Variants in BAZ2B observed in about 807,000 individuals in gnomAD.
BAZ2B encodes bromodomain adjacent to zinc finger domain 2B, also known as bromodomain adjacent to zinc finger domain protein 2B.
In BAZ2B, 91 loss-of-function variants were observed where a neutral mutation model predicts 246.0. The observed-to-expected ratio is 0.37, with a 90% confidence interval of 0.31 to 0.44. BAZ2B has a LOEUF of 0.44. Among genes scored for constraint, BAZ2B ranks in the 20% least tolerant of loss-of-function variants. BAZ2B has a pLI of 1.00. For missense variants in BAZ2B, 2,332 were observed against 2,533.7 expected (o/e 0.92, Z 1.71); for synonymous variants, 855 against 860.0 (o/e 0.99, Z 0.10).
At chr2:159,473,934 TA>T (rs1371017822) in intron 3 of BAZ2B, among the ~76,000 whole-genome samples, 1 of 152,226 alleles carries the variant, frequency 6.6e-6, no homozygotes, top group Non-Finnish European at 1.5e-5. Flanking sequence ...GACTGTTTGT[TA>T]TGATTTCTGT....
chr2:159,686,732 TTC>T, the BAZ2B span, among the ~76,000 whole-genome samples: 2 of 152,036 alleles, frequency 1.3e-5, no homozygotes, highest in African/African-American at 4.8e-5. Flanking sequence ...TAATGTTGGT[TTC>T]TTAGTTTAAA....
chr2:159,614,478 C>T (rs553167395), intron 1 of BAZ2B, among the ~76,000 whole-genome samples: 1 of 151,984 alleles, frequency 6.6e-6, no homozygotes, highest in Non-Finnish European at 1.5e-5. Flanking sequence ...AACCCCAGAA[C>T]ATTTTATTAG....
chr2:159,414,808 C>T (rs1345440256), intron 13 of BAZ2B, among the ~76,000 whole-genome samples: 5 of 138,070 alleles, frequency 3.6e-5, no homozygotes, highest in Non-Finnish European at 6.4e-5. Context: ...CAGAGCGAGA[C>T]TCCACCTCAA....
chr2:159,693,327 A>AG, the BAZ2B span: 1 of 151,806 alleles, frequency 6.6e-6, no homozygotes, highest in Admixed American at 6.6e-5. Flanking sequence ...CTTTTTTATG[A>AG]GGTGGATCCT....
In BAZ2B at chr2:159,412,441, T is replaced by A; in HGVS notation, c.2571A>T (p.Arg857Ser). 1 of 1,614,152 alleles carries A rather than the reference T, an allele frequency of 6.2e-7. No individual in the cohort carries two copies. The highest frequency in any genetic ancestry group is 8.5e-7 in the Non-Finnish European group (1 of 1,180,016). ...RPPNPDRQRA[R>S]EESRMRRRKG... ...TCCGACGTCTCATCCTGGATTCCTCTCTTGCTCGTTGTCTATCTGGATTTG... is the reference window on the plus strand; with the variant it reads ...TCCGACGTCTCATCCTGGATTCCTCACTTGCTCGTTGTCTATCTGGATTTG... The change falls in exon 14 of 37, where the codon AGA (arginine) becomes AGT (serine). Residue 857 changes from arginine (R) to serine (S), a missense_variant. Arg to Ser is a moderately radical substitution (Grantham distance 110). Around this residue, in one of 9 missense-constraint regions of BAZ2B, gnomAD observed 651 missense variants for 650.9 expected, o/e 1.00. Transcript: ENST00000392783.
chr2:159,358,495 C>G (rs1353309390), intron 27 of BAZ2B, among the ~76,000 whole-genome samples: 1 of 152,178 alleles, frequency 6.6e-6, no homozygotes, highest in Non-Finnish European at 1.5e-5. Context: ...GAAACTTAGA[C>G]TCCCACACAA....
the BAZ2B span, among the ~76,000 whole-genome samples, chr2:159,685,660 A>G: frequency 6.6e-6 from 1 of 152,166 alleles, no homozygotes; most frequent in African/African-American, 2.4e-5. Flanking sequence ...AGAACTCCCC[A>G]TGGCCAATGC....
intron 2 of BAZ2B, among the ~76,000 whole-genome samples, chr2:159,484,356 T>C (rs1225452826): frequency 6.6e-6 from 1 of 152,228 alleles, no homozygotes; most frequent in African/African-American, 2.4e-5. Context: ...TCAACATCTT[T>C]TGTGTCAGCA....
the BAZ2B span, among the ~76,000 whole-genome samples, chr2:159,707,298 A>G: frequency 6.6e-6 from 1 of 152,078 alleles, no homozygotes. Flanking sequence ...ACCTATAATC[A>G]CAGCACTTTG....
At chr2:159,510,699 G>A (rs1022477979) in intron 2 of BAZ2B, among the ~76,000 whole-genome samples, 19 of 152,166 alleles carry the variant, frequency 1.2e-4, no homozygotes, top group African/African-American at 4.6e-4. Flanking sequence ...TGGGTGAACT[G>A]TATGGTATGT....
intron 1 of BAZ2B, among the ~76,000 whole-genome samples, chr2:159,586,939 TCAAGTA>T (rs1688144358): frequency 2.0e-5 from 3 of 152,144 alleles, no homozygotes; most frequent in South Asian, 2.1e-4. Flanking sequence ...CTCTCCTCCC[TCAAGTA>T]CATCTTCCAG....
chr2:159,487,850 C>CA (rs2080012402), intron 2 of BAZ2B, among the ~76,000 whole-genome samples: 1 of 150,306 alleles, frequency 6.7e-6, no homozygotes, highest in Non-Finnish European at 1.5e-5. Flanking sequence ...GTTAAATGAC[C>CA]AAAGATAAGA....
At position 159,549,634 on chromosome 2, in the gene BAZ2B, T is replaced by C. The variant is rs183067983; in HGVS notation, c.-3+6189A>G. On this transcript the variant is annotated intron_variant, in intron 2 of 36. Coordinates refer to ENST00000392783, the MANE Select transcript of BAZ2B (RefSeq NM_013450.4). ...AAAAATCACAAAAAAAATCTCATAA[T>C]GTTTTGATAAAGTTTCCAAATTTGT... Among the ~76,000 whole-genome samples the C allele has an allele frequency of 1.2e-3, 177 of 152,294 alleles. 1 individual carries two copies. The highest frequency in any genetic ancestry group is 3.9e-3 in the African/African-American group (163 of 41,574).
chr2:159,700,445 GT>G, the BAZ2B span, among the ~76,000 whole-genome samples: 2 of 55,166 alleles, frequency 3.6e-5, no homozygotes, highest in African/African-American at 1.9e-4. Flanking sequence ...GTATTCTTTT[GT>G]TTGTTTGTTT....
At chr2:159,621,679 T>C in the BAZ2B span, among the ~76,000 whole-genome samples, 4 of 152,318 alleles carry the variant, frequency 2.6e-5, no homozygotes, top group East Asian at 1.9e-4. Flanking sequence ...TTTTTGATAA[T>C]TGGTGTTCAA....
chr2:159,611,467 A>T (rs1694707636), intron 1 of BAZ2B, among the ~76,000 whole-genome samples: 1 of 151,956 alleles, frequency 6.6e-6, no homozygotes, highest in Non-Finnish European at 1.5e-5. Context: ...ATAATGTCTG[A>T]ATATAAATCT....
the BAZ2B span, among the ~76,000 whole-genome samples, chr2:159,690,750 GTATATATGGCTAAAT>G: frequency 3.9e-5 from 6 of 152,256 alleles, no homozygotes; most frequent in African/African-American, 1.4e-4. Context: ...ACAAAACCAA[GTATATATGGCTAAAT>G]TTGGCTCTCA....
At chr2:159,493,966 G>A (rs575239194) in intron 2 of BAZ2B, among the ~76,000 whole-genome samples, 13 of 152,232 alleles carry the variant, frequency 8.5e-5, no homozygotes, top group Admixed American at 6.5e-4. Context: ...GACACTCTCC[G>A]TACAGGGAGG....
intron 1 of BAZ2B, among the ~76,000 whole-genome samples, chr2:159,570,239 C>T (rs1056497496): frequency 6.7e-6 from 1 of 149,724 alleles, no homozygotes; most frequent in African/African-American, 2.5e-5. Context: ...GGCTGGAGTG[C>T]AGTGGCGCAA....
Sources: allele counts gnomAD v4.1 joint callset (sites outside exome capture counted in the v4.1 genomes callset), GRCh38; gene constraint gnomAD v4.1.1; regional missense constraint gnomAD v4.1.1; transcripts MANE v1.5; gene names NCBI Gene and HGNC (gene_info 2026-07-23, HGNC 2026-07-21).